The following FOXN3 variants were observed in gnomAD, a reference collection of about 807,000 sequenced individuals.
FOXN3 encodes the protein forkhead box protein N3.
FOXN3 carries 7 observed loss-of-function variants against 38.4 expected under a neutral mutation model. The ratio of observed to expected loss-of-function variants is 0.18; its 90% CI spans 0.10 to 0.34. FOXN3 has a LOEUF of 0.34. FOXN3 is among the 10% of genes least tolerant of loss of function. FOXN3 has a pLI of 1.00. For synonymous variants in FOXN3, 230 were observed against 242.2 expected, an observed-to-expected ratio of 0.95 and a Z score of 0.47; for missense variants, 456 against 613.4, an observed-to-expected ratio of 0.74 and a Z score of 2.71.
At chr14:89,288,453 C>G (rs569127967) in intron 3 of FOXN3, among the ~76,000 whole-genome samples, 1 of 151,990 alleles carries the variant, frequency 6.6e-6, no homozygotes, top group African/African-American at 2.4e-5. Flanking sequence ...CCATATCTAT[C>G]GAGCTATTTT....
intron 3 of FOXN3, among the ~76,000 whole-genome samples, chr14:89,311,740 C>T (rs962289449): frequency 2.0e-5 from 3 of 151,992 alleles, no homozygotes; most frequent in East Asian, 1.9e-4. Context: ...ACAGGAGAAT[C>T]GCTTGAACCT....
chr14:89,199,579 CG>C (rs927610878), intron 4 of FOXN3, among the ~76,000 whole-genome samples: 14 of 151,920 alleles, frequency 9.2e-5, no homozygotes, highest in African/African-American at 2.7e-4. Flanking sequence ...GTGGGGGACT[CG>C]GGGGGAAAGG....
intron 3 of FOXN3, among the ~76,000 whole-genome samples, chr14:89,347,727 G>A (rs978383089): frequency 2.0e-5 from 3 of 152,178 alleles, no homozygotes; most frequent in African/African-American, 7.2e-5. Flanking sequence ...GCCGAGGCGG[G>A]CGGATCATGA....
intron 1 of FOXN3, among the ~76,000 whole-genome samples, chr14:89,439,307 G>A (rs1183331616): frequency 1.3e-5 from 2 of 152,200 alleles, no homozygotes; most frequent in Non-Finnish European, 2.9e-5. Context: ...GGCATTCCCA[G>A]ATAGTTAAGG....
intron 1 of FOXN3, among the ~76,000 whole-genome samples, chr14:89,456,446 G>A (rs1329803760): frequency 6.6e-6 from 1 of 151,906 alleles, no homozygotes; most frequent in African/African-American, 2.4e-5. Context: ...TGCCCAATAA[G>A]TATTTTTTCT....
At chr14:89,267,554 A>T (rs2139899924) in intron 4 of FOXN3, among the ~76,000 whole-genome samples, 1 of 152,320 alleles carries the variant, frequency 6.6e-6, no homozygotes, top group South Asian at 2.1e-4. Context: ...TATCCAATCT[A>T]CTTAGGAAAA....
At chr14:89,446,241 T>G (rs1318041647) in intron 1 of FOXN3, among the ~76,000 whole-genome samples, 1 of 124,650 alleles carries the variant, frequency 8.0e-6, no homozygotes, top group Non-Finnish European at 1.6e-5. Context: ...CATGCTGGAG[T>G]GCGAAGGCCC....
rs1490566873 is a variant in FOXN3 at position 89,161,629 on chromosome 14, T to C, written c.*785A>G. 6.6e-6 allele frequency: 1 copy of C among 150,710 alleles called. No individual in the cohort carries two copies. The highest frequency in any genetic ancestry group is 1.5e-5 in the Non-Finnish European group (1 of 67,644). 9.3% of individuals were successfully genotyped at this position (150,710 alleles called of 1,614,324 possible). ...TGCACAGGGCCAATCTTCAGGCTTA[T>C]GGCTTTTGGAACATTTTCTTAATTT... is the stretch of plus-strand genomic sequence containing the variant. On this transcript the variant is annotated 3_prime_UTR_variant, in exon 6 of 6. Coordinates refer to ENST00000557258, the MANE Select transcript of FOXN3 (RefSeq NM_005197.4).
intron 3 of FOXN3, among the ~76,000 whole-genome samples, chr14:89,297,582 C>A (rs942503484): frequency 1.7e-4 from 25 of 145,562 alleles, no homozygotes; most frequent in South Asian, 1.3e-3. Flanking sequence ...AAAAATTAAA[C>A]ATAGGAATGC....
chr14:89,397,955 C>A (rs1015301951), intron 2 of FOXN3, among the ~76,000 whole-genome samples: 3 of 152,202 alleles, frequency 2.0e-5, no homozygotes, highest in African/African-American at 7.2e-5. Flanking sequence ...TACCTCTGGA[C>A]AAGCCACGTC....
At chr14:89,168,343 A>G (rs2139780374) in intron 5 of FOXN3, among the ~76,000 whole-genome samples, 1 of 152,332 alleles carries the variant, frequency 6.6e-6, no homozygotes, top group East Asian at 1.9e-4. Flanking sequence ...TGGAAATTAA[A>G]AACATCAATG....
chr14:89,293,861 T>C (rs1886954338), intron 3 of FOXN3, among the ~76,000 whole-genome samples: 1 of 152,108 alleles, frequency 6.6e-6, no homozygotes, highest in Non-Finnish European at 1.5e-5. Flanking sequence ...TTTTCCTGAA[T>C]CCCTAATACC....
At chr14:89,331,157 ACTT>A (rs1888235932) in intron 3 of FOXN3, among the ~76,000 whole-genome samples, 2 of 152,138 alleles carry the variant, frequency 1.3e-5, no homozygotes, top group South Asian at 2.1e-4. Context: ...TATTTCCAGA[ACTT>A]CTTCATCATC....
chr14:89,335,011 C>T (rs1351584442), intron 3 of FOXN3, among the ~76,000 whole-genome samples: 2 of 151,790 alleles, frequency 1.3e-5, no homozygotes, highest in Non-Finnish European at 2.9e-5. Context: ...ATGATCTGCC[C>T]GCCTCAGCCT....
At chr14:89,219,099 G>C (rs1343742144) in intron 4 of FOXN3, among the ~76,000 whole-genome samples, 1 of 152,090 alleles carries the variant, frequency 6.6e-6, no homozygotes, top group Non-Finnish European at 1.5e-5. Flanking sequence ...GATATGGTTT[G>C]GCTCTGTATC....
chr14:89,220,671 G>T (rs1017631877), intron 4 of FOXN3, among the ~76,000 whole-genome samples: 1 of 152,140 alleles, frequency 6.6e-6, no homozygotes, highest in Non-Finnish European at 1.5e-5. Context: ...GGACCTAGAT[G>T]GTACCCTGTC....
intron 1 of FOXN3, among the ~76,000 whole-genome samples, chr14:89,415,655 G>A (rs987817242): frequency 7.6e-5 from 11 of 144,910 alleles, no homozygotes; most frequent in Non-Finnish European, 1.0e-4. Context: ...CCACAGCTGA[G>A]GAGTTTTCCA....
At chr14:89,324,419 T>C (rs555232883) in intron 3 of FOXN3, among the ~76,000 whole-genome samples, 1 of 151,082 alleles carries the variant, frequency 6.6e-6, no homozygotes, top group African/African-American at 2.4e-5. Context: ...CATACTGATT[T>C]GGTTTGAAAC....
At chr14:89,167,836 C>A (rs577545914) in intron 5 of FOXN3, among the ~76,000 whole-genome samples, 1 of 152,320 alleles carries the variant, frequency 6.6e-6, no homozygotes, top group South Asian at 2.1e-4. Flanking sequence ...TTCTCTATAG[C>A]GAACGTCTGC....
Sources: allele counts gnomAD v4.1 joint callset (sites outside exome capture counted in the v4.1 genomes callset), GRCh38; gene constraint gnomAD v4.1.1; transcripts MANE v1.5; gene names NCBI Gene and HGNC (gene_info 2026-07-23, HGNC 2026-07-21).